Variants in STXBP5L observed in about 807,000 individuals in gnomAD.
The protein encoded by STXBP5L is syntaxin binding protein 5L.
A neutral mutation model predicts 144.5 loss-of-function variants in STXBP5L; 65 were observed. That is an observed-to-expected ratio of 0.45 (90% CI 0.37 to 0.55). The LOEUF is 0.55. Among genes scored for constraint, STXBP5L ranks in the 20% least tolerant of loss-of-function variants. The pLI, the probability that STXBP5L is intolerant of heterozygous loss-of-function variation, is 0.00. For missense variants in STXBP5L, 1,298 were observed against 1,405.5 expected (o/e 0.92, Z 1.22); for synonymous variants, 505 against 469.6 (o/e 1.08, Z -0.97).
intron 7 of STXBP5L, among the ~76,000 whole-genome samples, chr3:121,131,275 A>G (rs2107896067): frequency 6.6e-6 from 1 of 152,302 alleles, no homozygotes; most frequent in South Asian, 2.1e-4. Flanking sequence ...GCAGGTAGAT[A>G]TAAAAGCCTA....
intron 19 of STXBP5L, among the ~76,000 whole-genome samples, chr3:121,303,571 A>G (rs981404066): frequency 5.9e-5 from 9 of 152,180 alleles, no homozygotes; most frequent in Non-Finnish European, 5.9e-5. Context: ...ATAAAGACAC[A>G]TGCACACGTA....
intron 18 of STXBP5L, among the ~76,000 whole-genome samples, chr3:121,270,483 C>T (rs554934186): frequency 6.6e-5 from 10 of 151,956 alleles, no homozygotes; most frequent in South Asian, 6.2e-4. Context: ...GATGGTGTCT[C>T]GCTCTATTGC....
At chr3:121,090,508 A>G (rs768097868) in intron 5 of STXBP5L, among the ~76,000 whole-genome samples, 21 of 152,208 alleles carry the variant, frequency 1.4e-4, no homozygotes, top group Non-Finnish European at 2.6e-4. Flanking sequence ...GTTCAGGAGC[A>G]TGAAAATAGA....
chr3:121,387,537 G>T (rs1428608454), intron 22 of STXBP5L, among the ~76,000 whole-genome samples: 1 of 152,096 alleles, frequency 6.6e-6, no homozygotes, highest in African/African-American at 2.4e-5. Context: ...TATGGTTTTA[G>T]GTTTAACATT....
chr3:121,105,932 C>T (rs2043680887), intron 5 of STXBP5L, among the ~76,000 whole-genome samples: 1 of 151,892 alleles, frequency 6.6e-6, no homozygotes, highest in Non-Finnish European at 1.5e-5. Context: ...TGTTTTTATA[C>T]CTAAGTAAAA....
chr3:121,294,644 CAA>C (rs1491462329), intron 19 of STXBP5L, among the ~76,000 whole-genome samples: 1 of 151,448 alleles, frequency 6.6e-6, no homozygotes, highest in African/African-American at 2.4e-5. Flanking sequence ...AAAGAGAAAG[CAA>C]GAGAGAGAGA....
At chr3:121,009,066 A>G (rs140022339) in intron 3 of STXBP5L, among the ~76,000 whole-genome samples, 1 of 151,938 alleles carries the variant, frequency 6.6e-6, no homozygotes, top group South Asian at 2.1e-4. Context: ...GAAGGATTTC[A>G]TAACATTGGT....
At chr3:121,087,230 C>A (rs1299506083) in intron 5 of STXBP5L, among the ~76,000 whole-genome samples, 1 of 151,984 alleles carries the variant, frequency 6.6e-6, no homozygotes, top group Non-Finnish European at 1.5e-5. Context: ...CATTCTATAT[C>A]CTTACTGATT....
chr3:120,973,658 G>A (rs186534589), intron 3 of STXBP5L, among the ~76,000 whole-genome samples: 1 of 151,894 alleles, frequency 6.6e-6, no homozygotes, highest in South Asian at 2.1e-4. Flanking sequence ...TTGTCATTTA[G>A]CATTAGGTAA....
intron 3 of STXBP5L, among the ~76,000 whole-genome samples, chr3:121,027,636 CT>C (rs558445443): frequency 1.3e-5 from 2 of 152,050 alleles, no homozygotes; most frequent in Non-Finnish European, 2.9e-5. Context: ...CTCCCTGTGT[CT>C]TTTTTTGTTT....
chr3:121,111,364 T>C (rs2043978517), intron 5 of STXBP5L, among the ~76,000 whole-genome samples: 1 of 152,218 alleles, frequency 6.6e-6, no homozygotes, highest in Non-Finnish European at 1.5e-5. Context: ...CTTTCTCATC[T>C]TTATGAGTTT....
chr3:121,343,985 C>T lies in STXBP5L; in HGVS notation c.2176+25445C>T, dbSNP rs562295137. ...AACAAAGCTGGAGGCATCAAGCTAC[C>T]GGACTTCTAACTATACTACAAAGCT... On this transcript the variant is annotated intron_variant, in intron 20 of 26. Coordinates refer to ENST00000471454, the MANE Select transcript of STXBP5L (RefSeq NM_001308330.2). Among the ~76,000 whole-genome samples, 123 of 152,210 alleles carry T rather than the reference C, an allele frequency of 8.1e-4. 2 individuals are homozygous for T. The highest frequency in any genetic ancestry group is 3.4e-3 in the Middle Eastern group (1 of 294).
At chr3:121,146,815 C>T (rs1038260865) in intron 7 of STXBP5L, among the ~76,000 whole-genome samples, 20 of 152,070 alleles carry the variant, frequency 1.3e-4, no homozygotes, top group African/African-American at 4.8e-4. Flanking sequence ...CTAATGATGA[C>T]ATAGATTTAT....
At chr3:121,104,242 A>G (rs2043578720) in intron 5 of STXBP5L, among the ~76,000 whole-genome samples, 1 of 152,162 alleles carries the variant, frequency 6.6e-6, no homozygotes, top group South Asian at 2.1e-4. Context: ...GAATCAAGAA[A>G]TAATAGAATA....
chr3:120,997,995 C>G (rs1267697580), intron 3 of STXBP5L, among the ~76,000 whole-genome samples: 1 of 152,168 alleles, frequency 6.6e-6, no homozygotes, highest in Non-Finnish European at 1.5e-5. Flanking sequence ...ATGATCATCT[C>G]AATAGTTGCA....
intron 18 of STXBP5L, among the ~76,000 whole-genome samples, chr3:121,264,597 T>C (rs2050493508): frequency 6.6e-6 from 1 of 152,078 alleles, no homozygotes; most frequent in Non-Finnish European, 1.5e-5. Context: ...GCTAGCGTCA[T>C]AATGACAGGA....
At chr3:121,088,245 GA>G (rs2042594858) in intron 5 of STXBP5L, among the ~76,000 whole-genome samples, 1 of 132,328 alleles carries the variant, frequency 7.6e-6, no homozygotes. Flanking sequence ...AAATTTACAA[GA>G]AAAAAACAAA....
At chr3:121,319,987 T>G (rs1316161181) in intron 20 of STXBP5L, among the ~76,000 whole-genome samples, 2 of 152,184 alleles carry the variant, frequency 1.3e-5, no homozygotes, top group Admixed American at 6.5e-5. Flanking sequence ...TTAAAAGTTT[T>G]TTAAAGATCA....
At chr3:120,980,441 A>G (rs1941632480) in intron 3 of STXBP5L, among the ~76,000 whole-genome samples, 1 of 144,066 alleles carries the variant, frequency 6.9e-6, no homozygotes, top group Admixed American at 7.1e-5. Context: ...TTATCACTTT[A>G]TCACCATATA....
Sources: gnomAD v4.1 joint callset for allele counts (sites outside exome capture counted in the v4.1 genomes callset) on GRCh38, gnomAD v4.1.1 for gene constraint, MANE v1.5 for transcripts, NCBI Gene and HGNC (gene_info 2026-07-23, HGNC 2026-07-21) for gene names.